The following FAF1 variants were observed in gnomAD, a reference collection of about 807,000 sequenced individuals.
The protein encoded by FAF1 is Fas associated factor 1, also known as FAS-associated factor 1.
Under a neutral mutation model 92.5 loss-of-function variants are expected in FAF1, and 25 were observed. The observed-to-expected ratio is 0.27, with a 90% CI of 0.20 to 0.38. The LOEUF is 0.38. Among genes scored for constraint, FAF1 ranks in the 10% least tolerant of loss-of-function variants. FAF1 has a pLI of 1.00. For synonymous variants in FAF1, 234 were observed against 273.2 expected (o/e 0.86, Z 1.42); for missense variants, 636 against 793.3 (o/e 0.80, Z 2.38).
chr1:50,590,765 T>C (rs1262278896), intron 9 of FAF1, among the ~76,000 whole-genome samples: 1 of 152,084 alleles, frequency 6.6e-6, no homozygotes, highest in Non-Finnish European at 1.5e-5. Context: ...ATAGATCACC[T>C]GAGGTCAGGA....
chr1:50,847,178 C>T (rs1644308621), intron 2 of FAF1, among the ~76,000 whole-genome samples: 1 of 152,022 alleles, frequency 6.6e-6, no homozygotes, highest in Non-Finnish European at 1.5e-5. Context: ...GTCATTCAGA[C>T]TGCATAATCA....
At chr1:50,794,789 A>AT (rs59806816) in intron 3 of FAF1, among the ~76,000 whole-genome samples, 32,019 of 123,396 alleles carry the variant, frequency 0.26, 4,547 homozygotes, top group Middle Eastern at 0.43. Flanking sequence ...TCACCCAGCT[A>AT]TTTTTTTTTT....
At chr1:50,939,078 A>G (rs185216853) in intron 1 of FAF1, among the ~76,000 whole-genome samples, 1 of 152,234 alleles carries the variant, frequency 6.6e-6, no homozygotes, top group East Asian at 1.9e-4. Context: ...TGAATTTTAG[A>G]ATAGTTTTTT....
chr1:50,729,056 A>ATTTT (rs1481654972), intron 6 of FAF1, among the ~76,000 whole-genome samples: 20 of 105,818 alleles, frequency 1.9e-4, no homozygotes, highest in Non-Finnish European at 2.5e-4. Flanking sequence ...ATATATATAT[A>ATTTT]TATTTTTTTT....
chr1:50,874,408 CTAGAG>C (rs762013100), intron 1 of FAF1, among the ~76,000 whole-genome samples: 1 of 152,072 alleles, frequency 6.6e-6, no homozygotes, highest in African/African-American at 2.4e-5. Context: ...GTCACCTAGC[CTAGAG>C]TATAGTAGTG....
chr1:50,922,257 C>T (rs182212163), intron 1 of FAF1, among the ~76,000 whole-genome samples: 7 of 151,116 alleles, frequency 4.6e-5, no homozygotes, highest in East Asian at 3.9e-4. Context: ...TCAAGGAGTT[C>T]GAGACCAGCA....
At chr1:50,833,642 TCAAGGCTTGTTCTTCCTGG>T (rs1644175522) in intron 2 of FAF1, among the ~76,000 whole-genome samples, 1 of 152,156 alleles carries the variant, frequency 6.6e-6, no homozygotes, top group Admixed American at 6.5e-5. Context: ...AAGCTTCTAA[TCAAGGCTTGTTCTTCCTGG>T]CAACTAGCCC....
chr1:50,824,819 C>A (rs1409246092), intron 2 of FAF1, among the ~76,000 whole-genome samples: 1 of 151,894 alleles, frequency 6.6e-6, no homozygotes, highest in Non-Finnish European at 1.5e-5. Flanking sequence ...AAATGAAGAA[C>A]ATTATATTAA....
intron 18 of FAF1, among the ~76,000 whole-genome samples, chr1:50,455,629 A>G (rs978404430): frequency 3.9e-5 from 6 of 152,222 alleles, no homozygotes; most frequent in Non-Finnish European, 8.8e-5. Context: ...ATAATATCAG[A>G]GCTGAAAGAA....
At chr1:50,621,974 T>A (rs1653233809) in intron 8 of FAF1, among the ~76,000 whole-genome samples, 2 of 152,118 alleles carry the variant, frequency 1.3e-5, no homozygotes, top group Admixed American at 1.3e-4. Context: ...GAGACCAGCC[T>A]GGCCAGTATG....
intron 8 of FAF1, among the ~76,000 whole-genome samples, chr1:50,650,655 A>G (rs1654823539): frequency 6.6e-6 from 1 of 152,166 alleles, no homozygotes; most frequent in African/African-American, 2.4e-5. Context: ...CAAAAAACTG[A>G]AAGAGTTTTC....
chr1:50,582,236 A>AT (rs1399538338), intron 12 of FAF1, among the ~76,000 whole-genome samples: 2 of 152,016 alleles, frequency 1.3e-5, no homozygotes, highest in East Asian at 3.8e-4. Flanking sequence ...CTTTTTTCCC[A>AT]TTTAAAAAAA....
intron 2 of FAF1, among the ~76,000 whole-genome samples, chr1:50,822,234 C>A (rs1644049900): frequency 6.6e-6 from 1 of 152,096 alleles, no homozygotes; most frequent in African/African-American, 2.4e-5. Flanking sequence ...AGAATGTTCA[C>A]TGAACTCTTC....
chr1:50,617,574 A>C (rs1652979203), intron 8 of FAF1, among the ~76,000 whole-genome samples: 1 of 151,908 alleles, frequency 6.6e-6, no homozygotes, highest in Admixed American at 6.6e-5. Context: ...GGAGTTTTGC[A>C]TCTTTGTTCA....
chr1:50,889,212 C>G (rs1249465185), intron 1 of FAF1, among the ~76,000 whole-genome samples: 3 of 152,098 alleles, frequency 2.0e-5, no homozygotes, highest in Admixed American at 2.0e-4. Context: ...GTGGTGATAT[C>G]CCTTTTATCA....
intron 6 of FAF1, among the ~76,000 whole-genome samples, chr1:50,721,321 TCTC>T (rs1243947249): frequency 2.6e-5 from 4 of 151,916 alleles, no homozygotes; most frequent in Non-Finnish European, 2.9e-5. Flanking sequence ...TTCAAGCAAT[TCTC>T]CTGCCTCAGC....
intron 7 of FAF1, among the ~76,000 whole-genome samples, chr1:50,701,660 G>A (rs1657479687): frequency 6.6e-6 from 1 of 152,108 alleles, no homozygotes; most frequent in Non-Finnish European, 1.5e-5. Flanking sequence ...CAGAATCAGA[G>A]TTAGCCTTAT....
At chr1:50,700,315 CT>C (rs1401626328) in intron 7 of FAF1, among the ~76,000 whole-genome samples, 3 of 151,104 alleles carry the variant, frequency 2.0e-5, no homozygotes, top group Admixed American at 1.3e-4. Flanking sequence ...CTTTTCCCCC[CT>C]CTCTCTCTCT....
At chr1:50,496,966 G>A (rs1646906766) in intron 15 of FAF1, among the ~76,000 whole-genome samples, 1 of 152,010 alleles carries the variant, frequency 6.6e-6, no homozygotes, top group African/African-American at 2.4e-5. Flanking sequence ...GGAATGAGGT[G>A]TGGGGGTGAG....
Sources: allele counts gnomAD v4.1 joint callset (sites outside exome capture counted in the v4.1 genomes callset), GRCh38; gene constraint gnomAD v4.1.1; transcripts MANE v1.5; gene names NCBI Gene and HGNC (gene_info 2026-07-23, HGNC 2026-07-21).